PCDH9: variants seen among roughly 807,000 people sequenced by gnomAD.
PCDH9 encodes the protein protocadherin-9.
A neutral mutation model predicts 70.6 loss-of-function variants in PCDH9; 24 were observed. The observed-to-expected ratio is 0.34, with a 90% CI of 0.25 to 0.48. PCDH9 has a LOEUF of 0.48. Ranked by LOEUF, PCDH9 falls within the 20% of genes least tolerant of loss-of-function variation. The pLI, the probability that PCDH9 is intolerant of heterozygous loss-of-function variation, is 0.99. For missense variants in PCDH9, 1,281 were observed against 1,503.6 expected (o/e 0.85, Z 2.45); for synonymous variants, 562 against 558.5 (o/e 1.01, Z -0.09).
intron 3 of PCDH9, among the ~76,000 whole-genome samples, chr13:66,886,601 G>A (rs965047757): frequency 2.6e-5 from 4 of 152,126 alleles, no homozygotes; most frequent in East Asian, 1.9e-4. Context: ...CTTCCAGCTC[G>A]AAAGGGTACA....
At chr13:66,886,505 G>A (rs556593861) in intron 3 of PCDH9, among the ~76,000 whole-genome samples, 23 of 152,224 alleles carry the variant, frequency 1.5e-4, no homozygotes, top group Non-Finnish European at 2.1e-4. Flanking sequence ...GTTAGCCAGA[G>A]GCCACGAAAG....
chr13:66,760,869 G>A (rs527534709), intron 3 of PCDH9, among the ~76,000 whole-genome samples: 41 of 152,218 alleles, frequency 2.7e-4, no homozygotes, highest in African/African-American at 8.9e-4. Flanking sequence ...GTAGATAAGG[G>A]ATGAAATATG....
intron 4 of PCDH9, among the ~76,000 whole-genome samples, chr13:66,501,199 TA>T (rs1269144579): frequency 1.3e-5 from 2 of 152,252 alleles, no homozygotes; most frequent in South Asian, 2.1e-4. Context: ...CATTTGAAAT[TA>T]ATGGAATTTT....
At chr13:67,204,290 A>G (rs1229950344) in intron 2 of PCDH9, 2 of 152,180 alleles carry the variant, frequency 1.3e-5, no homozygotes, top group African/African-American at 4.8e-5. Flanking sequence ...GAGAAAAATT[A>G]TTATGCCAGC....
intron 3 of PCDH9, among the ~76,000 whole-genome samples, chr13:66,805,020 T>C (rs1333053513): frequency 6.6e-6 from 1 of 152,072 alleles, no homozygotes; most frequent in Non-Finnish European, 1.5e-5. Flanking sequence ...AAGGGGTAGT[T>C]TGGTAGGAAG....
chr13:66,682,362 A>G (rs1275715722), intron 3 of PCDH9, among the ~76,000 whole-genome samples: 2 of 35,082 alleles, frequency 5.7e-5, no homozygotes, highest in African/African-American at 1.5e-4. Context: ...TTATCTATCT[A>G]TCTATCTATC....
At chr13:66,737,943 T>C (rs1196444678) in intron 3 of PCDH9, among the ~76,000 whole-genome samples, 2 of 152,072 alleles carry the variant, frequency 1.3e-5, no homozygotes, top group Non-Finnish European at 2.9e-5. Context: ...TTGCCCAGGC[T>C]TGCTTAGGTA....
chr13:66,404,377 A>C (rs1328296373), intron 4 of PCDH9, among the ~76,000 whole-genome samples: 1 of 152,134 alleles, frequency 6.6e-6, no homozygotes, highest in Non-Finnish European at 1.5e-5. Flanking sequence ...ATATGGTTTT[A>C]TTGCCAGAAT....
chr13:66,745,029 G>A (rs945539912), intron 3 of PCDH9, among the ~76,000 whole-genome samples: 21 of 151,998 alleles, frequency 1.4e-4, no homozygotes, highest in Non-Finnish European at 4.4e-5. Context: ...TCTCCGTAAC[G>A]TAGCTATATA....
chr13:66,676,088 G>A (rs1169929957), intron 3 of PCDH9, among the ~76,000 whole-genome samples: 4 of 151,898 alleles, frequency 2.6e-5, no homozygotes, highest in African/African-American at 2.4e-5. Context: ...TTTTGTTAAG[G>A]GGCATCTATC....
chr13:66,956,523 G>A (rs539498366), intron 2 of PCDH9, among the ~76,000 whole-genome samples: 21 of 152,100 alleles, frequency 1.4e-4, no homozygotes, highest in Non-Finnish European at 2.6e-4. Context: ...AGGCTGAGGC[G>A]GGCTGATCAC....
At chr13:67,104,828 C>T (rs761818856) in intron 2 of PCDH9, among the ~76,000 whole-genome samples, 1 of 152,204 alleles carries the variant, frequency 6.6e-6, no homozygotes, top group Admixed American at 6.5e-5. Flanking sequence ...GGATTACAGG[C>T]GCGAGCCACC....
chr13:67,182,797 C>CT (rs2088652665), intron 2 of PCDH9, among the ~76,000 whole-genome samples: 1 of 152,088 alleles, frequency 6.6e-6, no homozygotes, highest in Non-Finnish European at 1.5e-5. Context: ...GGGGTACCCT[C>CT]TTCCTTTACA....
At chr13:67,114,804 G>A (rs1198082218) in intron 2 of PCDH9, among the ~76,000 whole-genome samples, 3 of 152,140 alleles carry the variant, frequency 2.0e-5, no homozygotes, top group Non-Finnish European at 4.4e-5. Context: ...AGAAAATTTG[G>A]TGCTAGATAA....
intron 4 of PCDH9, among the ~76,000 whole-genome samples, chr13:66,595,870 A>G (rs1002273476): frequency 7.3e-5 from 11 of 151,696 alleles, no homozygotes; most frequent in African/African-American, 2.7e-4. Context: ...ACACCAGCGT[A>G]AAGTAAGCGA....
chr13:66,322,544 A>G (rs1449568423), intron 4 of PCDH9, among the ~76,000 whole-genome samples: 2 of 152,022 alleles, frequency 1.3e-5, no homozygotes, highest in East Asian at 1.9e-4. Context: ...TTCTCAAACC[A>G]TCTGCTTCCT....
chr13:67,121,333 T>C (rs2086874520), intron 2 of PCDH9, among the ~76,000 whole-genome samples: 1 of 152,208 alleles, frequency 6.6e-6, no homozygotes, highest in South Asian at 2.1e-4. Context: ...ACAGTGAGTA[T>C]GAGCTATCAT....
chr13:66,866,523 C>G (rs903211246), intron 3 of PCDH9, among the ~76,000 whole-genome samples: 1 of 151,148 alleles, frequency 6.6e-6, no homozygotes, highest in African/African-American at 2.4e-5. Flanking sequence ...CATGGCTGGG[C>G]ATAGTGGTTC....
intron 3 of PCDH9, among the ~76,000 whole-genome samples, chr13:66,857,845 C>T (rs1399440310): frequency 6.6e-6 from 1 of 152,050 alleles, no homozygotes; most frequent in Admixed American, 6.6e-5. Flanking sequence ...AGCACCTTTT[C>T]CTCCCAATTC....
Sources: gnomAD v4.1 joint callset for allele counts (sites outside exome capture counted in the v4.1 genomes callset) on GRCh38, gnomAD v4.1.1 for gene constraint, MANE v1.5 for transcripts, NCBI Gene and HGNC (gene_info 2026-07-23, HGNC 2026-07-21) for gene names.